PPP2R5E: variants seen among roughly 807,000 people sequenced by gnomAD.
PPP2R5E encodes the protein serine/threonine-protein phosphatase 2A 56 kDa regulatory subunit epsilon isoform.
PPP2R5E carries 4 observed loss-of-function variants against 65.3 expected under a neutral mutation model. The observed-to-expected ratio is 0.06, with a 90% CI of 0.03 to 0.14. The LOEUF (loss-of-function observed/expected upper bound fraction) is 0.14, where lower values mean the gene tolerates loss of function less well. PPP2R5E is among the 10% of genes least tolerant of loss of function. The pLI, the probability that PPP2R5E is intolerant of heterozygous loss-of-function variation, is 1.00. For missense variants in PPP2R5E, 274 were observed against 556.1 expected (o/e 0.49, Z 5.10); for synonymous variants, 183 against 187.4 (o/e 0.98, Z 0.19).
chr14:63,431,049 C>G (rs1162789686), intron 3 of PPP2R5E, among the ~76,000 whole-genome samples: 1 of 152,162 alleles, frequency 6.6e-6, no homozygotes, highest in Non-Finnish European at 1.5e-5. Context: ...GCAGGCAGAT[C>G]ACAAGATCAA....
chr14:63,380,673 A>C (rs73272531), intron 13 of PPP2R5E, among the ~76,000 whole-genome samples: 9,181 of 152,090 alleles, frequency 0.06, 716 homozygotes, highest in African/African-American at 0.17. Flanking sequence ...AAAAACAAAA[A>C]AAAAAAAGTT....
At chr14:63,382,643 T>C (rs1884434372) in intron 12 of PPP2R5E, among the ~76,000 whole-genome samples, 1 of 151,982 alleles carries the variant, frequency 6.6e-6, no homozygotes, top group Non-Finnish European at 1.5e-5. Context: ...TCAGGTGATC[T>C]GCCTGCCTCG....
chr14:63,499,091 A>C (rs1891723936), intron 2 of PPP2R5E, among the ~76,000 whole-genome samples: 1 of 152,168 alleles, frequency 6.6e-6, no homozygotes, highest in Non-Finnish European at 1.5e-5. Context: ...AAATGCAGCT[A>C]CTCATAAAAA....
intron 2 of PPP2R5E, among the ~76,000 whole-genome samples, chr14:63,482,889 T>G (rs28394515): frequency 0.33 from 49,932 of 152,040 alleles, 11,020 homozygotes; most frequent in African/African-American, 0.63. Flanking sequence ...TTGAGCATTT[T>G]CTAGGGCTCA....
At position 63,391,989 on chromosome 14, in the gene PPP2R5E, G is replaced by A. The variant is rs772679993; in HGVS notation, c.886C>T (p.Pro296Ser). 3.1e-6 allele frequency: 5 copies of A among 1,610,842 alleles called. No individual in the cohort carries two copies. The South Asian group carries it at 5.5e-5, about 18-fold the overall frequency. ...AGACTTACTGGTTCTGTGAGTGAAG[G>A]ATCTTTCTCCAGAAACTGTACTATA... is the stretch of plus-strand genomic sequence containing the variant. The part of the protein sequence containing the change: ...YCIVQFLEKD[P>S]SLTEPVIRGL... Residue 296 changes from proline (P) to serine (S), a missense_variant, in exon 9 of 14, where the codon CCT becomes TCT. Physicochemically the swap from Pro to Ser is moderately conservative, Grantham distance 74. Transcript: ENST00000337537.
intron 2 of PPP2R5E, chr14:63,479,296 G>GC (rs1315793537): frequency 6.6e-6 from 1 of 152,168 alleles, no homozygotes; most frequent in African/African-American, 2.4e-5. Context: ...GGTGCTGTGG[G>GC]TGGGGGAGGA....
chr14:63,423,104 TG>T (rs1165741659), intron 3 of PPP2R5E, among the ~76,000 whole-genome samples: 2 of 152,168 alleles, frequency 1.3e-5, no homozygotes, highest in Non-Finnish European at 2.9e-5. Flanking sequence ...TATTTCCTTT[TG>T]TTTTTTTGAG....
chr14:63,384,385 G>C (rs970467925), intron 12 of PPP2R5E, 59 bp downstream of exon 12: 4 of 1,561,650 alleles, frequency 2.6e-6, no homozygotes, highest in Non-Finnish European at 8.8e-7. Context: ...TAATAAGGCT[G>C]AAGGGAAAGA....
intron 3 of PPP2R5E, among the ~76,000 whole-genome samples, chr14:63,426,883 G>C (rs1017527560): frequency 6.6e-6 from 1 of 152,122 alleles, no homozygotes; most frequent in Non-Finnish European, 1.5e-5. Context: ...GGAGGAAGCG[G>C]GGAGGCGTGT....
At chr14:63,457,461 C>G (rs1036378831) in intron 2 of PPP2R5E, among the ~76,000 whole-genome samples, 5 of 152,150 alleles carry the variant, frequency 3.3e-5, no homozygotes, top group African/African-American at 9.7e-5. Context: ...TACCCACCTC[C>G]AAAATCCAAG....
chr14:63,425,193 C>T (rs756128329), intron 3 of PPP2R5E, among the ~76,000 whole-genome samples: 1 of 152,190 alleles, frequency 6.6e-6, no homozygotes, highest in Non-Finnish European at 1.5e-5. Context: ...TGAGAATATG[C>T]TTTTGCTATC....
chr14:63,397,259 G>C lies in PPP2R5E; in HGVS notation c.550-543C>G, dbSNP rs149757952. Among the ~76,000 whole-genome samples, 752 of 152,198 alleles carry C rather than the reference G, an allele frequency of 4.9e-3. 3 individuals are homozygous for C. Among genetic ancestry groups the C allele is most frequent in the African/African-American group, 0.017 (708 of 41,528 alleles). ...ACTCATGCCTGTAATCCCAGCACCT[G>C]GGGAGGCCAAGGCAGGCGCATCACC... is the stretch of plus-strand genomic sequence containing the variant. On this transcript the variant is annotated intron_variant, in intron 5 of 13. Coordinates refer to ENST00000337537, the MANE Select transcript of PPP2R5E (RefSeq NM_006246.5).
At chr14:63,465,592 C>A (rs1323148755) in intron 2 of PPP2R5E, among the ~76,000 whole-genome samples, 1 of 152,160 alleles carries the variant, frequency 6.6e-6, no homozygotes, top group African/African-American at 2.4e-5. Context: ...CACCACTGCG[C>A]TCCAGCCTCG....
intron 2 of PPP2R5E, among the ~76,000 whole-genome samples, chr14:63,491,435 CAT>C (rs374800383): frequency 3.9e-5 from 6 of 151,954 alleles, no homozygotes; most frequent in African/African-American, 7.2e-5. Context: ...ATAAAATACA[CAT>C]GAGACTTCAA....
At chr14:63,390,725 T>C (rs1207186880) in intron 10 of PPP2R5E, among the ~76,000 whole-genome samples, 1 of 152,200 alleles carries the variant, frequency 6.6e-6, no homozygotes, top group Admixed American at 6.5e-5. Context: ...AGTAGACCCT[T>C]GCCATTTGTT....
At chr14:63,417,678 G>A (rs993075788) in intron 4 of PPP2R5E, among the ~76,000 whole-genome samples, 6 of 152,078 alleles carry the variant, frequency 3.9e-5, no homozygotes, top group Non-Finnish European at 8.8e-5. Context: ...AATTTTCACT[G>A]TTTCTTCAAA....
At chr14:63,511,474 C>G (rs1009254713) in intron 2 of PPP2R5E, among the ~76,000 whole-genome samples, 1 of 152,144 alleles carries the variant, frequency 6.6e-6, no homozygotes, top group Admixed American at 6.5e-5. Context: ...ATAGCTGAGC[C>G]CAGCTTAAAT....
chr14:63,381,410 G>A lies in PPP2R5E; in HGVS notation c.1304+646C>T, dbSNP rs529685274. On this transcript the variant is annotated intron_variant, in intron 13 of 13. Coordinates refer to ENST00000337537, the MANE Select transcript of PPP2R5E (RefSeq NM_006246.5). ...ATTATACTTCAAGTAAGTTCAGAGT[G>A]GGAGTGAATCCCAGAGAGCAAACTA... is the stretch of plus-strand genomic sequence containing the variant. 9.8e-5 allele frequency among the ~76,000 whole-genome samples: 15 copies of A among 152,304 alleles called. 1 individual carries two copies. The highest frequency in any genetic ancestry group is 3.4e-4 in the African/African-American group (14 of 41,554).
intron 8 of PPP2R5E, 135 bp downstream of exon 8, chr14:63,393,685 C>G: frequency 1.7e-6 from 1 of 591,010 alleles, no homozygotes; most frequent in Non-Finnish European, 3.0e-6. Context: ...GCACTCCAGC[C>G]TGGGCGGCAG....
Sources: gnomAD v4.1 joint callset for allele counts (sites outside exome capture counted in the v4.1 genomes callset) on GRCh38, gnomAD v4.1.1 for gene constraint, MANE v1.5 for transcripts, NCBI Gene and HGNC (gene_info 2026-07-23, HGNC 2026-07-21) for gene names.